WAC: variants seen among roughly 807,000 people sequenced by gnomAD.
The protein encoded by WAC is WW domain containing adaptor with coiled-coil, also known as WW domain-containing adapter protein with coiled-coil.
In WAC, 11 loss-of-function variants were observed where a neutral mutation model predicts 79.6. The ratio of observed to expected loss-of-function variants is 0.14; its 90% CI spans 0.09 to 0.23. The LOEUF (loss-of-function observed/expected upper bound fraction) is 0.23. Ranked by LOEUF, WAC falls within the 10% of genes least tolerant of loss-of-function variation. The pLI is 1.00. For missense variants in WAC, 728 were observed against 773.5 expected (o/e 0.94, Z 0.70); for synonymous variants, 304 against 276.9 (o/e 1.10, Z -0.97).
rs571666238 is a variant in WAC at position 28,594,486 on chromosome 10, T to C, written c.611-1247T>C. On this transcript the variant is annotated intron_variant, in intron 6 of 13. Transcript: ENST00000354911. ...TTGTATTCTGTTCATTTTTGTAGAT[T>C]TTTATATTGTATCATTTATAACACG... Among the ~76,000 whole-genome samples, 18 of 152,364 alleles carry C rather than the reference T, an allele frequency of 1.2e-4. No homozygotes were observed. In the East Asian group the frequency reaches 3.5e-3, roughly 29 times the overall value.
intron 3 of WAC, among the ~76,000 whole-genome samples, chr10:28,545,040 CAAAA>C (rs71391049): frequency 1.1e-3 from 130 of 114,462 alleles, no homozygotes; most frequent in East Asian, 5.4e-3. Flanking sequence ...GACTCTGTCT[CAAAA>C]AAAAAAAAAA....
chr10:28,541,715 G>A (rs889541232), intron 3 of WAC, among the ~76,000 whole-genome samples: 1 of 151,992 alleles, frequency 6.6e-6, no homozygotes, highest in African/African-American at 2.4e-5. Context: ...AAAGTATTTA[G>A]CCTACTGTTG....
chr10:28,542,581 C>T (rs1413444161), intron 3 of WAC, among the ~76,000 whole-genome samples: 1 of 152,194 alleles, frequency 6.6e-6, no homozygotes, highest in Non-Finnish European at 1.5e-5. Flanking sequence ...AGTGGCCACT[C>T]ATTGGAAGGG....
intron 3 of WAC, among the ~76,000 whole-genome samples, chr10:28,542,329 A>G (rs1019230508): frequency 2.0e-5 from 3 of 152,158 alleles, no homozygotes; most frequent in African/African-American, 7.2e-5. Context: ...ACTTATAGTC[A>G]TTCTGCTATA....
intron 3 of WAC, among the ~76,000 whole-genome samples, chr10:28,578,582 C>A (rs867768696): frequency 3.9e-5 from 6 of 152,112 alleles, no homozygotes; most frequent in Admixed American, 2.6e-4. Flanking sequence ...CTCTGCTTTC[C>A]CTACTCCTAA....
At chr10:28,569,940 T>A (rs1838854053) in intron 3 of WAC, among the ~76,000 whole-genome samples, 1 of 152,166 alleles carries the variant, frequency 6.6e-6, no homozygotes, top group African/African-American at 2.4e-5. Flanking sequence ...TGTCCAATAT[T>A]GGGTTATCAA....
chr10:28,553,597 T>G (rs1002774844), intron 3 of WAC, among the ~76,000 whole-genome samples: 6 of 152,168 alleles, frequency 3.9e-5, no homozygotes, highest in Admixed American at 2.0e-4. Context: ...GGTTTTATAG[T>G]GCCGTTTAAG....
At chr10:28,589,639 C>T in intron 4 of WAC, 97 bp from the exon 5 acceptor site, 1 of 716,878 alleles carries the variant, frequency 1.4e-6, no homozygotes, top group South Asian at 2.0e-5. Context: ...ACCTTTATCT[C>T]ATAAGTGTTT....
Position 28,611,983 on chromosome 10 carries a change from A to G in WAC, c.1437+61A>G, listed in dbSNP as rs1337785593. The G allele has an allele frequency of 1.3e-5, 20 of 1,577,506 alleles. No individual in the cohort carries two copies. In the Admixed American group the frequency reaches 2.4e-4, roughly 19 times the overall value. The stretch of plus-strand genomic sequence containing the variant: ...TACTTACTTTTGGAAAGTCAATAAC[A>G]TTTTAGAATCTGTTATAGAAAAAGC... On this transcript the variant is annotated intron_variant, in intron 10 of 13. Transcript: ENST00000354911.
At chr10:28,576,382 A>G (rs777850933) in intron 3 of WAC, among the ~76,000 whole-genome samples, 34 of 152,316 alleles carry the variant, frequency 2.2e-4, no homozygotes, top group Non-Finnish European at 3.2e-4. Flanking sequence ...TGCCACTTCA[A>G]TGTTTGAACC....
intron 13 of WAC, among the ~76,000 whole-genome samples, chr10:28,618,973 AATT>A (rs1437428826): frequency 2.0e-5 from 3 of 152,214 alleles, no homozygotes; most frequent in East Asian, 1.9e-4. Context: ...GAGCCAAAGG[AATT>A]ATTAAGAAAT....
intron 3 of WAC, among the ~76,000 whole-genome samples, chr10:28,577,243 T>G (rs1006317106): frequency 1.1e-4 from 16 of 152,184 alleles, no homozygotes; most frequent in Non-Finnish European, 1.8e-4. Flanking sequence ...GTGTACAAAT[T>G]TTTTTTAGTC....
At chr10:28,615,541 G>A (rs1188266285) in intron 11 of WAC, 1 of 152,190 alleles carries the variant, frequency 6.6e-6, no homozygotes, top group East Asian at 1.9e-4. Flanking sequence ...GGAAATAACT[G>A]AAATTCATTC....
At chr10:28,596,164 A>G in intron 7 of WAC, 123 bp downstream of exon 7, 1 of 1,086,436 alleles carries the variant, frequency 9.2e-7, no homozygotes, top group Admixed American at 3.0e-5. Flanking sequence ...GTCTTTTAGA[A>G]TGTTTCTGTG....
chr10:28,566,189 G>A (rs993906485), intron 3 of WAC, among the ~76,000 whole-genome samples: 1 of 152,098 alleles, frequency 6.6e-6, no homozygotes, highest in Non-Finnish European at 1.5e-5. Context: ...CTCTTTTGGT[G>A]TCTTATACCA....
chr10:28,621,360 T>TTTAA lies in WAC; in HGVS notation c.*1755_*1758dup, dbSNP rs893424317. The TTTAA allele has an allele frequency of 2.1e-4, 32 of 152,266 alleles. No individual in the cohort carries two copies. The highest frequency in any genetic ancestry group is 6.7e-4 in the African/African-American group (28 of 41,554). The allele number at this position is 152,266 out of a possible 1,614,324, so 9.4% of individuals were successfully genotyped here. On this transcript the variant is annotated 3_prime_UTR_variant, in exon 14 of 14. Transcript: ENST00000354911. ...ATAAATTTTGAAATTGCTCTTGTGC[T>TTTAA]TTAAGCATATATTGAAAGTATGGAA...
At chr10:28,585,195 T>C (rs996982567) in intron 4 of WAC, among the ~76,000 whole-genome samples, 14 of 152,086 alleles carry the variant, frequency 9.2e-5, no homozygotes, top group Admixed American at 3.9e-4. Context: ...TCAAGGCTAT[T>C]GAACAACCGG....
chr10:28,575,305 C>T (rs934159128), intron 3 of WAC, among the ~76,000 whole-genome samples: 3 of 152,168 alleles, frequency 2.0e-5, no homozygotes, highest in Admixed American at 6.5e-5. Flanking sequence ...GCCATCTTTA[C>T]GTCCCCGAGT....
intron 3 of WAC, among the ~76,000 whole-genome samples, chr10:28,572,077 G>T (rs1342186556): frequency 2.0e-5 from 3 of 152,098 alleles, no homozygotes; most frequent in Non-Finnish European, 2.9e-5. Context: ...AGTGGCTCAG[G>T]CCTGTAATCC....
Sources: gnomAD v4.1 joint callset for allele counts (sites outside exome capture counted in the v4.1 genomes callset) on GRCh38, gnomAD v4.1.1 for gene constraint, MANE v1.5 for transcripts, NCBI Gene and HGNC (gene_info 2026-07-23, HGNC 2026-07-21) for gene names.